Variants in PATJ observed in about 807,000 individuals in gnomAD.
The protein encoded by PATJ is inaD-like protein.
A neutral mutation model predicts 224.9 loss-of-function variants in PATJ; 190 were observed. That is an observed-to-expected ratio of 0.84 (90% CI 0.75 to 0.95). The LOEUF is 0.95. Among genes scored for constraint, PATJ ranks in the 40% least tolerant of loss-of-function variants. PATJ has a pLI of 0.00. For missense variants in PATJ, 2,121 were observed against 2,270.3 expected (o/e 0.93, Z 1.34); for synonymous variants, 769 against 820.3 (o/e 0.94, Z 1.07).
chr1:61,774,518 A>G (rs1182525782), intron 6 of PATJ, among the ~76,000 whole-genome samples: 1 of 152,198 alleles, frequency 6.6e-6, no homozygotes, highest in African/African-American at 2.4e-5. Flanking sequence ...CACTTCGTCT[A>G]TAGGACACTT....
At chr1:61,770,359 G>T (rs770880741) in intron 5 of PATJ, among the ~76,000 whole-genome samples, 47 of 152,230 alleles carry the variant, frequency 3.1e-4, no homozygotes, top group Non-Finnish European at 6.0e-4. Flanking sequence ...TCTTTAGGAT[G>T]CACTTTAACA....
chr1:62,002,416 GAA>G (rs1237450877), intron 28 of PATJ, among the ~76,000 whole-genome samples: 1 of 152,040 alleles, frequency 6.6e-6, no homozygotes, highest in Non-Finnish European at 1.5e-5. Flanking sequence ...TTAAAAGAAA[GAA>G]AAAGAGAGCG....
intron 22 of PATJ, among the ~76,000 whole-genome samples, chr1:61,894,084 A>G (rs113389095): frequency 0.089 from 13,472 of 151,654 alleles, 737 homozygotes; most frequent in South Asian, 0.25. Flanking sequence ...GAGAAACCCC[A>G]TCTCTACTAA....
Position 62,162,887 on chromosome 1 carries a change from C to A in PATJ, c.*1833C>A. 2.9e-6 allele frequency: 1 copy of A among 340,894 alleles called. No homozygotes were observed. The highest frequency in any genetic ancestry group is 5.7e-6 in the Non-Finnish European group (1 of 176,626). The allele number at this position is 340,894 out of a possible 1,614,324, so 21.1% of individuals were successfully genotyped here. A position where few individuals can be genotyped will look rare whatever the true frequency, so the allele number is the denominator to read the frequency against. ...GCTTGAACCTGGGAGGTGGAGGTTGCAGTGAGCCAAGTTCGTGCCACTCCA... is the reference window on the plus strand; with the variant it reads ...GCTTGAACCTGGGAGGTGGAGGTTGAAGTGAGCCAAGTTCGTGCCACTCCA... On this transcript the variant is annotated 3_prime_UTR_variant, in exon 44 of 44. Transcript: ENST00000642238.
chr1:61,980,024 G>A (rs1356002986), intron 27 of PATJ, among the ~76,000 whole-genome samples: 1 of 152,056 alleles, frequency 6.6e-6, no homozygotes, highest in Non-Finnish European at 1.5e-5. Flanking sequence ...TGCTTCAGGG[G>A]AGAAGGGGTA....
At chr1:62,065,786 C>A (rs1010743519) in intron 31 of PATJ, among the ~76,000 whole-genome samples, 1 of 152,144 alleles carries the variant, frequency 6.6e-6, no homozygotes, top group African/African-American at 2.4e-5. Flanking sequence ...ATTTTTAGCA[C>A]GCAGGGCTTA....
intron 30 of PATJ, among the ~76,000 whole-genome samples, chr1:62,040,042 T>G (rs1461974636): frequency 6.6e-6 from 1 of 151,940 alleles, no homozygotes; most frequent in Non-Finnish European, 1.5e-5. Context: ...TAGATGAACT[T>G]GCTCTCTAGG....
At chr1:61,753,345 CCTGT>C (rs151166745) in intron 1 of PATJ, among the ~76,000 whole-genome samples, 2,410 of 152,180 alleles carry the variant, frequency 0.016, 70 homozygotes, top group African/African-American at 0.055. Flanking sequence ...AGGCTGAACA[CCTGT>C]TCTTTCCCAA....
chr1:61,904,320 T>G (rs1671582816), intron 24 of PATJ, among the ~76,000 whole-genome samples: 1 of 152,240 alleles, frequency 6.6e-6, no homozygotes, highest in South Asian at 2.1e-4. Context: ...TACAAAGAAG[T>G]GTACAGGGAA....
At chr1:62,125,249 AAAAAC>A (rs1274740892) in intron 39 of PATJ, among the ~76,000 whole-genome samples, 1 of 106,174 alleles carries the variant, frequency 9.4e-6, no homozygotes, top group South Asian at 2.7e-4. Flanking sequence ...AAAAAAAAAA[AAAAAC>A]AAAAAAAAAC....
intron 4 of PATJ, among the ~76,000 whole-genome samples, chr1:61,767,303 G>T (rs994912905): frequency 3.0e-4 from 45 of 152,120 alleles, no homozygotes; most frequent in African/African-American, 1.1e-3. Context: ...GGAGGCAGAG[G>T]CAGGAGGATT....
chr1:61,938,834 A>C (rs1436095690), intron 27 of PATJ, among the ~76,000 whole-genome samples: 1 of 152,212 alleles, frequency 6.6e-6, no homozygotes, highest in Non-Finnish European at 1.5e-5. Flanking sequence ...GAAATAAGAT[A>C]GATGATTCAA....
At chr1:61,869,165 G>A (rs993928334) in intron 20 of PATJ, among the ~76,000 whole-genome samples, 1 of 140,692 alleles carries the variant, frequency 7.1e-6, no homozygotes, top group Admixed American at 7.0e-5. Context: ...GGAGTGCAGT[G>A]GCGCCATCTC....
Position 62,162,237 on chromosome 1 carries a change from G to C in PATJ, c.*1183G>C, listed in dbSNP as rs1669890856. Reference sequence around the variant, plus strand: ...GCATCATTCCCACCCCTCGGTCTTAGGAAAAGGAGGTAGAAGCCCCAGAAC... The same window carrying C: ...GCATCATTCCCACCCCTCGGTCTTACGAAAAGGAGGTAGAAGCCCCAGAAC... On this transcript the variant is annotated 3_prime_UTR_variant, in exon 44 of 44. Coordinates refer to ENST00000642238, the MANE Select transcript of PATJ (RefSeq NM_001350145.3). The C allele has an allele frequency of 6.6e-6, 1 of 152,202 alleles. No homozygotes were observed. The highest frequency in any genetic ancestry group is 6.5e-5 in the Admixed American group (1 of 15,274). The allele number at this position is 152,202 out of a possible 1,614,324, so 9.4% of individuals were successfully genotyped here. A position where few individuals can be genotyped will look rare whatever the true frequency, so the allele number is the denominator to read the frequency against.
intron 17 of PATJ, among the ~76,000 whole-genome samples, chr1:61,854,265 A>G (rs1379608694): frequency 6.6e-6 from 1 of 152,232 alleles, no homozygotes; most frequent in Non-Finnish European, 1.5e-5. Flanking sequence ...AGGCTAGAGT[A>G]GTAGAATCTC....
At chr1:62,037,883 C>T (rs1650736044) in intron 29 of PATJ, 94 bp from the exon 30 acceptor site, 2 of 554,202 alleles carry the variant, frequency 3.6e-6, no homozygotes, top group Non-Finnish European at 6.4e-6. Context: ...GCTGTGTGTG[C>T]ATTTTCAACT....
chr1:61,790,579 T>A (rs7551886), intron 8 of PATJ, among the ~76,000 whole-genome samples: 12 of 147,160 alleles, frequency 8.2e-5, no homozygotes, highest in Non-Finnish European at 1.6e-4. Flanking sequence ...AGTGGTGTGA[T>A]CTCGGCTCAC....
At chr1:61,934,606 C>G (rs1676555327) in intron 27 of PATJ, among the ~76,000 whole-genome samples, 1 of 152,170 alleles carries the variant, frequency 6.6e-6, no homozygotes, top group Non-Finnish European at 1.5e-5. Flanking sequence ...TTTGGAAAAG[C>G]TTGCCTGACT....
At chr1:62,089,423 G>A (rs555986959) in intron 33 of PATJ, among the ~76,000 whole-genome samples, 123 of 151,540 alleles carry the variant, frequency 8.1e-4, no homozygotes, top group African/African-American at 2.9e-3. Flanking sequence ...CTTGAGGTTC[G>A]TAATATATAG....
Sources: gnomAD v4.1 joint callset for allele counts (sites outside exome capture counted in the v4.1 genomes callset) on GRCh38, gnomAD v4.1.1 for gene constraint, MANE v1.5 for transcripts, NCBI Gene and HGNC (gene_info 2026-07-23, HGNC 2026-07-21) for gene names.